The following EVI5 variants were observed in gnomAD, a reference collection of about 807,000 sequenced individuals.
EVI5 encodes the protein ecotropic viral integration site 5.
In EVI5, 73 loss-of-function variants were observed where a neutral mutation model predicts 112.0. The ratio of observed to expected loss-of-function variants is 0.65; its 90% CI spans 0.54 to 0.79. EVI5 has a LOEUF of 0.79. EVI5 is among the 30% of genes least tolerant of loss of function. The probability of loss-of-function intolerance (pLI) is 0.00; values close to 1 mark genes in which losing one functional copy is unlikely to be tolerated. For synonymous variants in EVI5, 305 were observed against 319.9 expected (o/e 0.95, Z 0.50); for missense variants, 900 against 968.8 (o/e 0.93, Z 0.94).
intron 10 of EVI5, 81 bp downstream of exon 10, chr1:92,677,077 A>T (rs992678658): frequency 2.4e-6 from 2 of 841,102 alleles, no homozygotes; most frequent in Admixed American, 4.7e-5. Context: ...TTATGAATAT[A>T]AGAAGTACAA....
chr1:92,688,024 C>T (rs1668854281), intron 9 of EVI5, among the ~76,000 whole-genome samples: 1 of 152,174 alleles, frequency 6.6e-6, no homozygotes, highest in African/African-American at 2.4e-5. Flanking sequence ...CCAGCAATCC[C>T]ATTACTGGGT....
intron 9 of EVI5, among the ~76,000 whole-genome samples, chr1:92,679,168 C>CG (rs766078255): frequency 1.6e-4 from 25 of 152,110 alleles, no homozygotes; most frequent in Admixed American, 6.6e-5. Flanking sequence ...ATCTAGGCTG[C>CG]GGGCTCCTTA....
chr1:92,586,792 G>A (rs1262991637), intron 18 of EVI5, among the ~76,000 whole-genome samples: 3 of 150,740 alleles, frequency 2.0e-5, no homozygotes, highest in Admixed American at 2.0e-4. Context: ...TGTGCACAAT[G>A]TGCAGGTTAG....
chr1:92,580,834 G>A (rs971148926), intron 18 of EVI5: 1 of 153,042 alleles, frequency 6.5e-6, no homozygotes, highest in Non-Finnish European at 1.5e-5. Flanking sequence ...ACAGCACTCT[G>A]TGGGTGGACT....
intron 2 of EVI5, among the ~76,000 whole-genome samples, chr1:92,729,093 A>G (rs1014542804): frequency 3.3e-5 from 5 of 152,232 alleles, no homozygotes; most frequent in African/African-American, 9.6e-5. Context: ...ATAAGGAAAC[A>G]AACAAAATTG....
intron 19 of EVI5, among the ~76,000 whole-genome samples, chr1:92,547,024 C>G (rs895717324): frequency 1.3e-5 from 2 of 152,180 alleles, no homozygotes; most frequent in African/African-American, 4.8e-5. Flanking sequence ...GAACTCTCCA[C>G]CCCAAATCAA....
rs1474088681 is a variant in EVI5 at position 92,547,066 on chromosome 1, C to T, written c.2166+16576G>A. Among the ~76,000 whole-genome samples, 3 of 152,326 alleles carry T rather than the reference C, an allele frequency of 2.0e-5. No individual in the cohort carries two copies. In the East Asian group the frequency reaches 5.8e-4, roughly 29 times the overall value. On this transcript the variant is annotated intron_variant, in intron 19 of 19. Coordinates refer to ENST00000684568, the MANE Select transcript of EVI5 (RefSeq NM_001350197.2). Reference sequence around the variant, plus strand: ...ATACATTCTTCTCAGCACCACTTCACACTTATTCCAAAATTGACCACATAG... The same window carrying T: ...ATACATTCTTCTCAGCACCACTTCATACTTATTCCAAAATTGACCACATAG...
chr1:92,531,049 A>G (rs1295134690), intron 19 of EVI5, among the ~76,000 whole-genome samples: 1 of 152,086 alleles, frequency 6.6e-6, no homozygotes, highest in African/African-American at 2.4e-5. Flanking sequence ...AAAAAAGGTC[A>G]GATGAATTGC....
intron 1 of EVI5, among the ~76,000 whole-genome samples, chr1:92,757,416 G>C (rs751968128): frequency 8.6e-5 from 13 of 151,332 alleles, no homozygotes; most frequent in African/African-American, 2.9e-4. Flanking sequence ...TTATTCTACA[G>C]TTTTGAGTTT....
chr1:92,579,772 C>A (rs1671654475), intron 18 of EVI5, among the ~76,000 whole-genome samples: 1 of 152,166 alleles, frequency 6.6e-6, no homozygotes, highest in African/African-American at 2.4e-5. Flanking sequence ...TTCAAGTGAT[C>A]CACCCGTCTT....
At chr1:92,785,143 G>C (rs570847530), upstream of EVI5, 73 of 983,154 alleles carry the variant, frequency 7.4e-5, 1 homozygote, top group South Asian at 2.5e-3. Flanking sequence ...AAAGAGACCC[G>C]GCAGCCTCTA....
At chr1:92,791,098 G>T (rs369046794) in intron 1 of EVI5, among the ~76,000 whole-genome samples, 39 of 152,146 alleles carry the variant, frequency 2.6e-4, no homozygotes, top group African/African-American at 8.5e-4. Flanking sequence ...TTTCGAAATT[G>T]AGTCACCAGA....
chr1:92,522,076 C>T (rs1661024319), intron 19 of EVI5, among the ~76,000 whole-genome samples: 1 of 152,168 alleles, frequency 6.6e-6, no homozygotes, highest in South Asian at 2.1e-4. Flanking sequence ...TTCTTGTTGT[C>T]ATAATCTTTT....
intron 1 of EVI5, among the ~76,000 whole-genome samples, chr1:92,759,518 G>T (rs1681476669): frequency 2.0e-5 from 3 of 152,130 alleles, no homozygotes; most frequent in Admixed American, 2.0e-4. Context: ...ATTTTTAAAT[G>T]TATGATTCAT....
intron 9 of EVI5, among the ~76,000 whole-genome samples, chr1:92,677,933 T>TA (rs1667004488): frequency 6.6e-6 from 1 of 152,176 alleles, no homozygotes; most frequent in East Asian, 1.9e-4. Context: ...TGTACTGAGT[T>TA]AAGTGAATTA....
chr1:92,603,324 T>C (rs1233619928), intron 18 of EVI5, among the ~76,000 whole-genome samples: 8 of 152,226 alleles, frequency 5.3e-5, no homozygotes, highest in Non-Finnish European at 1.2e-4. Flanking sequence ...AATTACTATA[T>C]GATCCAGCAA....
At chr1:92,538,516 T>A (rs940743507) in intron 19 of EVI5, among the ~76,000 whole-genome samples, 2 of 152,238 alleles carry the variant, frequency 1.3e-5, no homozygotes, top group African/African-American at 4.8e-5. Flanking sequence ...ATGTGTTTTT[T>A]CAGTCCATCA....
chr1:92,550,610 A>C (rs1421283367), intron 19 of EVI5, among the ~76,000 whole-genome samples: 3 of 148,442 alleles, frequency 2.0e-5, no homozygotes, highest in Non-Finnish European at 3.0e-5. Flanking sequence ...AGCCAGGCAT[A>C]GTGGTGGGCG....
At position 92,667,857 on chromosome 1, in the gene EVI5, C is replaced by T. The variant is rs565119518; in HGVS notation, c.1159-1865G>A. ...GTCTTGATCTCCTGACCTCATGATC[C>T]GCCCGCCTCAGCCTCCCAAAATGCT... On this transcript the variant is annotated intron_variant, in intron 10 of 19. Transcript: ENST00000684568. 5.9e-5 allele frequency among the ~76,000 whole-genome samples: 9 copies of T among 152,238 alleles called. 1 individual carries two copies. The highest frequency in any genetic ancestry group is 1.7e-4 in the African/African-American group (7 of 41,552).
Sources: gnomAD v4.1 joint callset for allele counts (sites outside exome capture counted in the v4.1 genomes callset) on GRCh38, gnomAD v4.1.1 for gene constraint, MANE v1.5 for transcripts, NCBI Gene and HGNC (gene_info 2026-07-23, HGNC 2026-07-21) for gene names.